The following NHSL2 variants were observed in gnomAD, a reference collection of about 807,000 sequenced individuals.
NHSL2 encodes the protein NHS-like protein 2.
A neutral mutation model predicts 53.4 loss-of-function variants in NHSL2; 27 were observed. The observed-to-expected ratio is 0.51, with a 90% CI of 0.37 to 0.70. The LOEUF (loss-of-function observed/expected upper bound fraction) is 0.70. Ranked by LOEUF, NHSL2 falls within the 30% of genes least tolerant of loss-of-function variation. The pLI is 0.00. For missense variants in NHSL2, 892 were observed against 980.1 expected, an observed-to-expected ratio of 0.91 and a Z score of 1.20; for synonymous variants, 408 against 404.1, an observed-to-expected ratio of 1.01 and a Z score of -0.12.
rs747044717 is a variant in NHSL2 at position 72,144,585 on chromosome X, GGT to G, written c.*1012_*1013del. 1 of 1,003,063 alleles carries G rather than the reference GGT, an allele frequency of 1.0e-6. No homozygotes were observed. 82.7% of individuals were successfully genotyped at this position (1,003,063 alleles called of 1,213,427 possible). ...CCAGTCAATTCAGATCGTGGTTTGT[GGT>G]TGGTTTGGTTTTGTTTAAAGGAAGT... On this transcript the variant is annotated 3_prime_UTR_variant, in exon 8 of 8. Coordinates refer to ENST00000633930, the MANE Select transcript of NHSL2 (RefSeq NM_001013627.3).
chrX:71,914,800 T>C (rs770521687), intron 1 of NHSL2, among the ~76,000 whole-genome samples: 1 of 111,407 alleles, frequency 9.0e-6, no homozygotes, highest in Admixed American at 9.5e-5. Context: ...AGATGAGGTG[T>C]TGTGGACCCT....
chrX:71,911,959 C>G (rs1222220596), intron 1 of NHSL2, among the ~76,000 whole-genome samples: 1 of 111,412 alleles, frequency 9.0e-6, no homozygotes, highest in East Asian at 2.8e-4. Context: ...TCTCTCCGCA[C>G]GTTTTGGGCC....
chrX:71,958,433 C>T (rs1191208325), intron 1 of NHSL2, among the ~76,000 whole-genome samples: 6 of 111,887 alleles, frequency 5.4e-5, no homozygotes, highest in Non-Finnish European at 1.1e-4. Context: ...GTCCTCAACT[C>T]TGGGAGAAGG....
At chrX:71,934,118 T>A (rs1046661252) in intron 1 of NHSL2, among the ~76,000 whole-genome samples, 1 of 111,410 alleles carries the variant, frequency 9.0e-6, no homozygotes, top group Non-Finnish European at 1.9e-5. Flanking sequence ...GTATTCCAGT[T>A]CTCCTCCAGG....
intron 1 of NHSL2, among the ~76,000 whole-genome samples, chrX:72,010,478 C>T (rs73561884): frequency 0.092 from 10,282 of 112,047 alleles, 1,155 homozygotes; most frequent in African/African-American, 0.32. Context: ...TCTATCTCTC[C>T]GGTCCCACTC....
intron 1 of NHSL2, among the ~76,000 whole-genome samples, chrX:72,092,255 C>T (rs1433208019): frequency 2.7e-5 from 3 of 111,993 alleles, no homozygotes; most frequent in African/African-American, 9.7e-5. Flanking sequence ...GAGTGCTGGA[C>T]AAGACTGCTC....
intron 1 of NHSL2, among the ~76,000 whole-genome samples, chrX:72,057,689 ACT>A (rs1480318994): frequency 2.7e-5 from 3 of 111,520 alleles, no homozygotes; most frequent in Admixed American, 9.5e-5. Flanking sequence ...AGTTTCTGAG[ACT>A]CTTTTGGAGG....
intron 1 of NHSL2, among the ~76,000 whole-genome samples, chrX:72,084,694 A>C (rs962994699): frequency 8.9e-6 from 1 of 112,256 alleles, no homozygotes; most frequent in South Asian, 3.7e-4. Context: ...CTGAACGGGA[A>C]TCTGGGCACA....
At chrX:72,132,315 A>G in intron 2 of NHSL2, 81 bp downstream of exon 2, 1 of 894,074 alleles carries the variant, frequency 1.1e-6, no homozygotes, top group Non-Finnish European at 1.5e-6. Flanking sequence ...AAGAAAGAGG[A>G]CAGGGACCAG....
chrX:72,144,702 A>C lies in NHSL2; in HGVS notation c.*1128A>C. On this transcript the variant is annotated 3_prime_UTR_variant, in exon 8 of 8. Transcript: ENST00000633930. ...GTCTTGCCAGTTGCTATGGCCCATA[A>C]TGCACACACACACACACACACACAC... 1 of 189,666 alleles carries C rather than the reference A, an allele frequency of 5.3e-6. No individual in the cohort carries two copies. The highest frequency in any genetic ancestry group is 1.0e-5 in the Non-Finnish European group (1 of 97,706). 15.6% of individuals were successfully genotyped at this position (189,666 alleles called of 1,213,427 possible).
intron 1 of NHSL2, among the ~76,000 whole-genome samples, chrX:71,929,530 T>G (rs1292990824): frequency 1.8e-5 from 2 of 112,369 alleles, no homozygotes; most frequent in Non-Finnish European, 3.8e-5. Flanking sequence ...ATGTAACACC[T>G]GGTTAAGAAC....
chrX:72,088,846 G>C (rs1254189245), intron 1 of NHSL2, among the ~76,000 whole-genome samples: 1 of 112,199 alleles, frequency 8.9e-6, no homozygotes, highest in East Asian at 2.8e-4. Flanking sequence ...CTAATTCATT[G>C]GTGCGTTGGC....
At chrX:72,135,904 C>G (rs898505636) in intron 4 of NHSL2, among the ~76,000 whole-genome samples, 1 of 111,221 alleles carries the variant, frequency 9.0e-6, no homozygotes, top group Non-Finnish European at 1.9e-5. Flanking sequence ...GGCGTGGTGG[C>G]GCACACCTGT....
chrX:72,024,467 G>A (rs770682998), intron 1 of NHSL2, among the ~76,000 whole-genome samples: 15 of 112,225 alleles, frequency 1.3e-4, no homozygotes, highest in Non-Finnish European at 2.4e-4. Context: ...GATCCCAAAA[G>A]AATACAAATG....
At chrX:72,067,510 G>A (rs1277685163) in intron 1 of NHSL2, among the ~76,000 whole-genome samples, 1 of 111,866 alleles carries the variant, frequency 8.9e-6, no homozygotes, top group East Asian at 2.8e-4. Flanking sequence ...AAGCTACCAA[G>A]ACTCATACCT....
At chrX:72,127,037 C>T (rs2042232739) in intron 1 of NHSL2, 1 of 111,657 alleles carries the variant, frequency 9.0e-6, no homozygotes, top group Admixed American at 9.5e-5. Flanking sequence ...TTGACTCCGG[C>T]AGGGGACCTT....
intron 1 of NHSL2, among the ~76,000 whole-genome samples, chrX:72,093,046 A>G (rs964328718): frequency 2.7e-5 from 3 of 112,387 alleles, no homozygotes. Context: ...TTCAAGTTAA[A>G]CTTCCTGACT....
chrX:72,007,847 G>C (rs1411509434), intron 1 of NHSL2, among the ~76,000 whole-genome samples: 1 of 113,066 alleles, frequency 8.8e-6, no homozygotes, highest in African/African-American at 3.2e-5. Context: ...GACTTTGGCT[G>C]TGGGGCTGAT....
At chrX:72,003,486 G>A (rs774736163) in intron 1 of NHSL2, among the ~76,000 whole-genome samples, 17 of 111,420 alleles carry the variant, frequency 1.5e-4, no homozygotes, top group Non-Finnish European at 2.8e-4. Context: ...CAGCTGGGTG[G>A]GCTAAACCAC....
Sources: allele counts gnomAD v4.1 joint callset (sites outside exome capture counted in the v4.1 genomes callset), GRCh38; gene constraint gnomAD v4.1.1; transcripts MANE v1.5; gene names NCBI Gene and HGNC (gene_info 2026-07-23, HGNC 2026-07-21).